The following CHSY3 variants were observed in gnomAD, a reference collection of about 807,000 sequenced individuals.
CHSY3 encodes N-acetylgalactosaminyl-proteoglycan 3-beta-glucuronosyltransferase 3.
In CHSY3, 35 loss-of-function variants were observed where a neutral mutation model predicts 67.2. The ratio of observed to expected loss-of-function variants is 0.52; its 90% CI spans 0.40 to 0.69. CHSY3 has a LOEUF of 0.69. CHSY3 is among the 30% of genes least tolerant of loss of function. The pLI is 0.00. For missense variants in CHSY3, 1,069 were observed against 1,138.5 expected (o/e 0.94, Z 0.88); for synonymous variants, 474 against 434.7 (o/e 1.09, Z -1.12).
chr5:130,164,811 T>C (rs1286885986), intron 2 of CHSY3, among the ~76,000 whole-genome samples: 1 of 152,102 alleles, frequency 6.6e-6, no homozygotes, highest in African/African-American at 2.4e-5. Flanking sequence ...TATAATTTGA[T>C]TAAATAGTGA....
Position 129,904,809 on chromosome 5 carries a change from T to G in CHSY3, c.-21T>G. The G allele has an allele frequency of 7.3e-7, 1 of 1,364,936 alleles. No homozygotes were observed. Among genetic ancestry groups the G allele is most frequent in the Non-Finnish European group, 9.5e-7 (1 of 1,057,780 alleles). The allele number at this position is 1,364,936 out of a possible 1,614,324, so 84.6% of individuals were successfully genotyped here. On this transcript the variant is annotated 5_prime_UTR_variant, in exon 1 of 3. Coordinates refer to ENST00000305031, the MANE Select transcript of CHSY3 (RefSeq NM_175856.5). Reference sequence around the variant, plus strand: ...CCGCGCCGCGACAGCCCAGCGAGCGTCCGCGCCCGGGACAGCCGCGATGGC... The same window carrying G: ...CCGCGCCGCGACAGCCCAGCGAGCGGCCGCGCCCGGGACAGCCGCGATGGC...
chr5:129,988,796 C>T (rs188777511), intron 2 of CHSY3, among the ~76,000 whole-genome samples: 13 of 152,146 alleles, frequency 8.5e-5, no homozygotes, highest in African/African-American at 3.1e-4. Context: ...TTATTTTAAC[C>T]TAAAATTTTC....
At chr5:129,917,377 T>G (rs558842826) in intron 2 of CHSY3, among the ~76,000 whole-genome samples, 1 of 152,340 alleles carries the variant, frequency 6.6e-6, no homozygotes, top group African/African-American at 2.4e-5. Context: ...AGAGAGCCTG[T>G]TGTAATAACA....
chr5:130,133,379 A>T (rs1768544769), intron 2 of CHSY3, among the ~76,000 whole-genome samples: 1 of 152,150 alleles, frequency 6.6e-6, no homozygotes. Context: ...TGCATAATTT[A>T]TACTTTTAGC....
intron 2 of CHSY3, among the ~76,000 whole-genome samples, chr5:130,035,290 C>G (rs1764832630): frequency 6.6e-6 from 1 of 151,924 alleles, no homozygotes; most frequent in Non-Finnish European, 1.5e-5. Context: ...TAATTTAGAA[C>G]CCATGGGATT....
At chr5:130,074,861 G>A (rs1490372678) in intron 2 of CHSY3, among the ~76,000 whole-genome samples, 2 of 151,800 alleles carry the variant, frequency 1.3e-5, no homozygotes, top group African/African-American at 4.8e-5. Flanking sequence ...TAAACAGTTG[G>A]AGTTATATAA....
chr5:129,921,999 C>T (rs1396820948), intron 2 of CHSY3, among the ~76,000 whole-genome samples: 1 of 152,046 alleles, frequency 6.6e-6, no homozygotes, highest in African/African-American at 2.4e-5. Flanking sequence ...CACACTCTAC[C>T]CACCCCCAGC....
At chr5:130,002,019 T>C in intron 2 of CHSY3, 2 of 862,462 alleles carry the variant, frequency 2.3e-6, no homozygotes, top group Non-Finnish European at 2.8e-6. Flanking sequence ...CTCTAAGTCC[T>C]TTTTCTGTGT....
chr5:130,103,418 C>T (rs1358840317), intron 2 of CHSY3, among the ~76,000 whole-genome samples: 1 of 152,016 alleles, frequency 6.6e-6, no homozygotes, highest in African/African-American at 2.4e-5. Context: ...AAATGTATGA[C>T]TGTTAAATGT....
At chr5:130,160,776 G>C (rs1169095144) in intron 2 of CHSY3, among the ~76,000 whole-genome samples, 1 of 152,184 alleles carries the variant, frequency 6.6e-6, no homozygotes, top group African/African-American at 2.4e-5. Context: ...AGTGGAGGAT[G>C]AGGGGTGTGT....
At chr5:130,133,523 G>T (rs1302244787) in intron 2 of CHSY3, among the ~76,000 whole-genome samples, 1 of 152,006 alleles carries the variant, frequency 6.6e-6, no homozygotes, top group Non-Finnish European at 1.5e-5. Context: ...TGTAATCCCA[G>T]CACTTTGGGA....
intron 2 of CHSY3, among the ~76,000 whole-genome samples, chr5:129,946,253 T>C (rs890725780): frequency 6.6e-6 from 1 of 152,212 alleles, no homozygotes; most frequent in Non-Finnish European, 1.5e-5. Flanking sequence ...CTAGATGTTT[T>C]CTAAAGAATA....
intron 2 of CHSY3, among the ~76,000 whole-genome samples, chr5:130,031,915 G>T (rs1764712306): frequency 6.6e-6 from 1 of 152,092 alleles, no homozygotes; most frequent in Non-Finnish European, 1.5e-5. Flanking sequence ...CAAACATTTT[G>T]ATATTTCACA....
At chr5:129,994,937 A>G (rs1051677688) in intron 2 of CHSY3, among the ~76,000 whole-genome samples, 1 of 152,066 alleles carries the variant, frequency 6.6e-6, no homozygotes, top group Non-Finnish European at 1.5e-5. Context: ...TAGGAGATAT[A>G]CCTAATGCTA....
intron 2 of CHSY3, among the ~76,000 whole-genome samples, chr5:129,925,947 A>G (rs1761094852): frequency 6.6e-6 from 1 of 152,064 alleles, no homozygotes. Flanking sequence ...TCACTGCATG[A>G]GATTGTGAGG....
intron 2 of CHSY3, among the ~76,000 whole-genome samples, chr5:130,117,824 A>C (rs1469924836): frequency 1.3e-5 from 2 of 152,110 alleles, no homozygotes. Flanking sequence ...CTGCATTTCC[A>C]TTAAATTCTC....
intron 2 of CHSY3, among the ~76,000 whole-genome samples, chr5:130,047,124 TA>T (rs1220193289): frequency 6.6e-6 from 1 of 151,768 alleles, no homozygotes; most frequent in Non-Finnish European, 1.5e-5. Flanking sequence ...GAAAAATAAA[TA>T]AAATTTAAAA....
At chr5:129,925,040 A>AT (rs369464754) in intron 2 of CHSY3, among the ~76,000 whole-genome samples, 187 of 152,250 alleles carry the variant, frequency 1.2e-3, no homozygotes, top group African/African-American at 4.3e-3. Context: ...ATGGAGGGAG[A>AT]TAAAAAATAA....
At chr5:130,143,766 GTGTATATATATATA>G (rs1561557142) in intron 2 of CHSY3, among the ~76,000 whole-genome samples, 3 of 96,386 alleles carry the variant, frequency 3.1e-5, no homozygotes, top group African/African-American at 1.5e-4. Context: ...ATGTGTGTGT[GTGTATATATATATA>G]TGTGTATATA....
Sources: gnomAD v4.1 joint callset for allele counts (sites outside exome capture counted in the v4.1 genomes callset) on GRCh38, gnomAD v4.1.1 for gene constraint, MANE v1.5 for transcripts, NCBI Gene and HGNC (gene_info 2026-07-23, HGNC 2026-07-21) for gene names.